ARHGAP19: variants seen among roughly 807,000 people sequenced by gnomAD.
ARHGAP19 encodes Rho GTPase activating protein 19.
Under a neutral mutation model 60.9 loss-of-function variants are expected in ARHGAP19, and 48 were observed. That is an observed-to-expected ratio of 0.79 (90% CI 0.62 to 1.00). The LOEUF is 1.00. Among genes scored for constraint, ARHGAP19 ranks in the 50% least tolerant of loss-of-function variants. ARHGAP19 has a pLI of 0.00. For synonymous variants in ARHGAP19, 209 were observed against 215.5 expected (o/e 0.97, Z 0.27); for missense variants, 562 against 597.2 (o/e 0.94, Z 0.61).
At chr10:97,246,388 C>T in intron 6 of ARHGAP19, 51 bp from the exon 7 acceptor site, 3 of 1,436,610 alleles carry the variant, frequency 2.1e-6, no homozygotes, top group Non-Finnish European at 2.9e-6. Flanking sequence ...TAGAATATAA[C>T]ATTCTTTCAG....
chr10:97,244,874 T>C (rs921969956), intron 7 of ARHGAP19, among the ~76,000 whole-genome samples: 11 of 151,858 alleles, frequency 7.2e-5, no homozygotes, highest in Admixed American at 2.0e-4. Context: ...TGTAAAATTT[T>C]TAACTTCTCA....
intron 8 of ARHGAP19, among the ~76,000 whole-genome samples, chr10:97,237,550 T>C (rs922618009): frequency 6.6e-6 from 1 of 152,108 alleles, no homozygotes; most frequent in Non-Finnish European, 1.5e-5. Context: ...GTACATACCA[T>C]TATATACAGT....
At chr10:97,259,119 A>G (rs1842793789) in intron 5 of ARHGAP19, among the ~76,000 whole-genome samples, 1 of 152,252 alleles carries the variant, frequency 6.6e-6, no homozygotes, top group Non-Finnish European at 1.5e-5. Flanking sequence ...ATGAACAGCC[A>G]AAATGAGTAT....
intron 4 of ARHGAP19, among the ~76,000 whole-genome samples, chr10:97,260,198 A>G (rs1842811245): frequency 6.6e-6 from 1 of 151,774 alleles, no homozygotes; most frequent in Admixed American, 6.6e-5. Context: ...ACAAGTGGCC[A>G]AGAAGGCTTT....
chr10:97,229,243 T>C lies in ARHGAP19; in HGVS notation c.1396-18A>G, dbSNP rs756387431. The C allele has an allele frequency of 1.3e-6, 2 of 1,594,422 alleles. No individual in the cohort carries two copies. The highest frequency in any genetic ancestry group is 1.7e-6 in the Non-Finnish European group (2 of 1,161,974). On this transcript the variant is annotated intron_variant, in intron 10 of 11. Transcript: ENST00000358531. ...GAAAATAACTGTAATAAGAAAATTG[T>C]ACAGTGGTTTCAATGTTCTAATGCC...
At chr10:97,286,401 G>T (rs1843155409) in intron 1 of ARHGAP19, among the ~76,000 whole-genome samples, 1 of 152,216 alleles carries the variant, frequency 6.6e-6, no homozygotes, top group African/African-American at 2.4e-5. Flanking sequence ...AGACCAGCCT[G>T]GCCAACATGA....
At chr10:97,291,318 TTTTA>T (rs1490509981) in intron 1 of ARHGAP19, among the ~76,000 whole-genome samples, 2 of 152,114 alleles carry the variant, frequency 1.3e-5, no homozygotes, top group East Asian at 1.9e-4. Context: ...CCATATCATA[TTTTA>T]TTTTATTTAT....
intron 11 of ARHGAP19, 116 bp downstream of exon 11, chr10:97,229,031 T>C (rs1412300087): frequency 1.9e-6 from 2 of 1,058,996 alleles, no homozygotes; most frequent in African/African-American, 3.1e-5. Context: ...GGCCTTGTAA[T>C]TTTTATGTCA....
intron 7 of ARHGAP19, among the ~76,000 whole-genome samples, chr10:97,245,252 C>T (rs1346645907): frequency 6.6e-6 from 1 of 152,102 alleles, no homozygotes; most frequent in Non-Finnish European, 1.5e-5. Flanking sequence ...AGTGATCCGC[C>T]TACCTTGGCC....
At chr10:97,266,549 C>T (rs954969226) in intron 1 of ARHGAP19, among the ~76,000 whole-genome samples, 2 of 152,254 alleles carry the variant, frequency 1.3e-5, no homozygotes, top group African/African-American at 4.8e-5. Flanking sequence ...ATATTTTCTT[C>T]CCTGTTCTTT....
chr10:97,281,177 G>A (rs1843080230), intron 1 of ARHGAP19, among the ~76,000 whole-genome samples: 1 of 147,160 alleles, frequency 6.8e-6, no homozygotes, highest in Non-Finnish European at 1.5e-5. Context: ...GAGCCTAGGA[G>A]TTCAAGACCA....
intron 1 of ARHGAP19, among the ~76,000 whole-genome samples, chr10:97,280,417 T>A (rs1034768408): frequency 6.6e-6 from 1 of 151,572 alleles, no homozygotes; most frequent in Non-Finnish European, 1.5e-5. Flanking sequence ...TCAAAAATAA[T>A]AATAATAATT....
chr10:97,285,614 C>G (rs1843145137), intron 1 of ARHGAP19, among the ~76,000 whole-genome samples: 1 of 151,336 alleles, frequency 6.6e-6, no homozygotes, highest in African/African-American at 2.4e-5. Flanking sequence ...CTCCAGCTCC[C>G]AGGTTCAAGC....
rs531211995 is a variant in ARHGAP19 at position 97,236,609 on chromosome 10, C to CT, written c.1186-1295dup. ...GTATTTAGCAAGGTGTATCCAGAGC[C>CT]TTTTTAAAATGCATATTAAAAAGTA... On this transcript the variant is annotated intron_variant, in intron 8 of 11. Coordinates refer to ENST00000358531, the MANE Select transcript of ARHGAP19 (RefSeq NM_032900.6). Among the ~76,000 whole-genome samples, 510 of 151,988 alleles carry CT rather than the reference C, an allele frequency of 3.4e-3. 4 individuals carry two copies. The highest frequency in any genetic ancestry group is 9.2e-3 in the South Asian group (44 of 4,794).
chr10:97,263,179 G>A (rs947547891), intron 4 of ARHGAP19, among the ~76,000 whole-genome samples: 8 of 152,078 alleles, frequency 5.3e-5, no homozygotes, highest in Non-Finnish European at 1.0e-4. Context: ...AAACTCAGAC[G>A]ACATCTTACT....
Position 97,282,839 on chromosome 10 carries a change from CTTTTTTTTT to C in ARHGAP19, c.56+9724_56+9732del, listed in dbSNP as rs56387291. The stretch of plus-strand genomic sequence containing the variant: ...TAAAGTACTATGTAGTTTCTTTTTT[CTTTTTTTTT>C]TTTTTTTTTTTGAGACAGAGTCTCA... On this transcript the variant is annotated intron_variant, in intron 1 of 11. Transcript: ENST00000358531. Among the ~76,000 whole-genome samples, 33 of 91,020 alleles carry C rather than the reference CTTTTTTTTT, an allele frequency of 3.6e-4. 1 individual carries two copies. The East Asian group carries it at 9.5e-3, about 26-fold the overall frequency. The allele number at this position is 91,020 out of a possible 152,430, so 59.7% of individuals were successfully genotyped here. A position where few individuals can be genotyped will look rare whatever the true frequency, so the allele number is the denominator to read the frequency against.
Position 97,292,621 on chromosome 10 carries a change from T to C in ARHGAP19, c.7A>G (p.Thr3Ala). The C allele has an allele frequency of 1.2e-6, 2 of 1,614,242 alleles. No individual in the cohort carries two copies. Among genetic ancestry groups the C allele is most frequent in the African/African-American group, 1.3e-5 (1 of 75,082 alleles). Residue 3 changes from threonine to alanine, a missense_variant, in exon 1 of 12, where the codon ACT becomes GCT. By Grantham distance (58) the Thr-to-Ala change is moderately conservative. Coordinates refer to ENST00000358531, the MANE Select transcript of ARHGAP19 (RefSeq NM_032900.6). ...ACCTCCCCTTCACTCTGTGCCTCAGTCGCCATCTTCGTCAGCAAACTTCTT... is the reference window on the plus strand; with the variant it reads ...ACCTCCCCTTCACTCTGTGCCTCAGCCGCCATCTTCGTCAGCAAACTTCTT... MA[T>A]EAQSEGEVPA...
At chr10:97,290,082 G>T (rs1843210661) in intron 1 of ARHGAP19, among the ~76,000 whole-genome samples, 1 of 151,988 alleles carries the variant, frequency 6.6e-6, no homozygotes, top group Admixed American at 6.6e-5. Flanking sequence ...CTTCAAGAGT[G>T]GAAAACTCGG....
rs869291841 is a variant in ARHGAP19, at chr10:97,231,059, C to CAAAAAAAAAAAAA, written c.1285-1198_1285-1186dup. ...ACACCTAGTGAGACTCTTGTCTCAC[C>CAAAAAAAAAAAAA]AAAAAAAAAAAAAAAAAAAAAAAAA... On this transcript the variant is annotated intron_variant, in intron 9 of 11. Transcript: ENST00000358531. 8.5e-4 allele frequency among the ~76,000 whole-genome samples: 51 copies of CAAAAAAAAAAAAA among 59,762 alleles called. 5 individuals are homozygous for CAAAAAAAAAAAAA. The highest frequency in any genetic ancestry group is 1.5e-3 in the African/African-American group (21 of 14,288). 39.2% of individuals were successfully genotyped at this position (59,762 alleles called of 152,430 possible). A position where few individuals can be genotyped will look rare whatever the true frequency, so the allele number is the denominator to read the frequency against.
Sources: gnomAD v4.1 joint callset for allele counts (sites outside exome capture counted in the v4.1 genomes callset) on GRCh38, gnomAD v4.1.1 for gene constraint, MANE v1.5 for transcripts, NCBI Gene and HGNC (gene_info 2026-07-23, HGNC 2026-07-21) for gene names.